Variants in CNRIP1 observed in about 807,000 individuals in gnomAD.
CNRIP1 encodes cannabinoid receptor interacting protein 1.
CNRIP1 carries 10 observed loss-of-function variants against 15.2 expected under a neutral mutation model. That is an observed-to-expected ratio of 0.66 (90% CI 0.41 to 1.12). The LOEUF is 1.12. CNRIP1 is among the 50% of genes most tolerant of loss of function. The pLI is 0.00. For missense variants in CNRIP1, 211 were observed against 214.7 expected (o/e 0.98, Z 0.11); for synonymous variants, 91 against 83.2 (o/e 1.09, Z -0.51).
chr2:68,315,328 G>A (rs138976597), intron 2 of CNRIP1, among the ~76,000 whole-genome samples: 10 of 152,276 alleles, frequency 6.6e-5, no homozygotes, highest in African/African-American at 2.4e-4. Flanking sequence ...ACTATACCTA[G>A]TGCAGAGAGA....
chr2:68,290,492 T>C (rs1193469899), downstream of CNRIP1, among the ~76,000 whole-genome samples: 1 of 152,250 alleles, frequency 6.6e-6, no homozygotes. Context: ...CAGGATACAG[T>C]TGTCCCCATC....
intron 2 of CNRIP1, among the ~76,000 whole-genome samples, chr2:68,285,648 C>A (rs1392211135): frequency 2.8e-5 from 3 of 105,966 alleles, no homozygotes; most frequent in African/African-American, 1.2e-4. Flanking sequence ...CAGAGCAAGA[C>A]CCTGTCTCAA....
intron 2 of CNRIP1, among the ~76,000 whole-genome samples, chr2:68,306,124 C>CAAAAA (rs61586261): frequency 0.01 from 259 of 25,336 alleles, 47 homozygotes; most frequent in African/African-American, 0.023. Flanking sequence ...CCCACCTCTA[C>CAAAAA]AAAAAAAAAA....
intron 2 of CNRIP1, among the ~76,000 whole-genome samples, chr2:68,306,707 G>A (rs1230543586): frequency 6.6e-6 from 1 of 151,946 alleles, no homozygotes; most frequent in Non-Finnish European, 1.5e-5. Flanking sequence ...CTTGAACCTG[G>A]GAAGTGGAGG....
At chr2:68,319,168 C>A in intron 1 of CNRIP1, 54 bp downstream of exon 1, 1 of 1,476,562 alleles carries the variant, frequency 6.8e-7, no homozygotes, top group South Asian at 1.3e-5. Context: ...GGGCCTCAGT[C>A]CTCTGCCTGT....
intron 2 of CNRIP1, among the ~76,000 whole-genome samples, chr2:68,302,996 C>T (rs191697803): frequency 0.017 from 2,620 of 151,926 alleles, 72 homozygotes; most frequent in African/African-American, 0.06. Flanking sequence ...TACAGGCGCC[C>T]GCTACCTCGC....
chr2:68,303,106 A>C (rs1019585824), intron 2 of CNRIP1, among the ~76,000 whole-genome samples: 4 of 152,002 alleles, frequency 2.6e-5, no homozygotes, highest in Admixed American at 6.6e-5. Context: ...CTTGGCCCCC[A>C]AAGTGCTGGG....
At chr2:68,299,552 T>C (rs755953617) in intron 2 of CNRIP1, among the ~76,000 whole-genome samples, 10 of 152,208 alleles carry the variant, frequency 6.6e-5, no homozygotes, top group Non-Finnish European at 1.2e-4. Context: ...GCCTTGATGT[T>C]TGGTCTTCCC....
At chr2:68,309,091 T>C (rs938900420) in intron 2 of CNRIP1, among the ~76,000 whole-genome samples, 3 of 152,160 alleles carry the variant, frequency 2.0e-5, no homozygotes, top group Non-Finnish European at 4.4e-5. Flanking sequence ...CTGTGAGCTG[T>C]TTTTACACAC....
downstream of CNRIP1, among the ~76,000 whole-genome samples, chr2:68,289,939 G>A (rs547888680): frequency 3.4e-3 from 522 of 151,618 alleles, 4 homozygotes; most frequent in South Asian, 0.014. Flanking sequence ...AGGCACAGAG[G>A]TATTAAGTGA....
At chr2:68,298,174 C>T (rs1178851047) in intron 2 of CNRIP1, among the ~76,000 whole-genome samples, 1 of 151,756 alleles carries the variant, frequency 6.6e-6, no homozygotes, top group Non-Finnish European at 1.5e-5. Context: ...TATAATTTAC[C>T]AAGACTTTTA....
In CNRIP1 at chr2:68,293,571, C is replaced by T. The variant is rs1465352081; in HGVS notation, c.*291G>A. The T allele has an allele frequency of 3.0e-5, 33 of 1,083,094 alleles. No homozygotes were observed. The highest frequency in any genetic ancestry group is 3.7e-5 in the Non-Finnish European group (33 of 889,134). The allele number at this position is 1,083,094 out of a possible 1,614,324, so 67.1% of individuals were successfully genotyped here. A position where few individuals can be genotyped will look rare whatever the true frequency, so the allele number is the denominator to read the frequency against. On this transcript the variant is annotated 3_prime_UTR_variant, in exon 3 of 3. Coordinates refer to ENST00000263655, the MANE Select transcript of CNRIP1 (RefSeq NM_015463.3). Reference sequence around the variant, plus strand: ...AAGAGCAGGACAAGCCTGCCAGGGCCACTGAACTCCAGTCACAAGTGGTCA... The same window carrying T: ...AAGAGCAGGACAAGCCTGCCAGGGCTACTGAACTCCAGTCACAAGTGGTCA...
chr2:68,297,018 C>A (rs1039412146), intron 2 of CNRIP1, among the ~76,000 whole-genome samples: 1 of 152,212 alleles, frequency 6.6e-6, no homozygotes, highest in African/African-American at 2.4e-5. Flanking sequence ...CCACCAGCCT[C>A]GGCCTCTCAA....
At chr2:68,297,567 CAAAAAAAA>C (rs112601365) in intron 2 of CNRIP1, among the ~76,000 whole-genome samples, 6 of 98,866 alleles carry the variant, frequency 6.1e-5, no homozygotes, top group African/African-American at 1.2e-4. Context: ...GACACTGTCT[CAAAAAAAA>C]AAAAAAAAAA....
chr2:68,312,781 G>A (rs540278595), intron 2 of CNRIP1, among the ~76,000 whole-genome samples: 9 of 152,038 alleles, frequency 5.9e-5, no homozygotes, highest in African/African-American at 9.6e-5. Flanking sequence ...AAAAAAAATC[G>A]ATTTTATTTC....
chr2:68,294,966 C>G (rs1285180442), intron 2 of CNRIP1, among the ~76,000 whole-genome samples: 2 of 152,188 alleles, frequency 1.3e-5, no homozygotes, highest in Non-Finnish European at 2.9e-5. Flanking sequence ...GAGAAGAGTA[C>G]CTGGAATACC....
At chr2:68,291,115 C>T (rs1385300936), downstream of CNRIP1, among the ~76,000 whole-genome samples, 2 of 152,140 alleles carry the variant, frequency 1.3e-5, no homozygotes, top group Non-Finnish European at 2.9e-5. Flanking sequence ...TGGGCTGGAG[C>T]CCAATCATAA....
chr2:68,313,080 G>T (rs1287545586), intron 2 of CNRIP1, among the ~76,000 whole-genome samples: 1 of 152,032 alleles, frequency 6.6e-6, no homozygotes, highest in East Asian at 1.9e-4. Context: ...TTAAGCAAAA[G>T]AACTTAGAAT....
At chr2:68,292,838 G>A (rs1368538216), downstream of CNRIP1, among the ~76,000 whole-genome samples, 1 of 152,184 alleles carries the variant, frequency 6.6e-6, no homozygotes, top group African/African-American at 2.4e-5. Flanking sequence ...TGTTAAACTT[G>A]GCTGGAGCAA....
Sources: allele counts gnomAD v4.1 joint callset (sites outside exome capture counted in the v4.1 genomes callset), GRCh38; gene constraint gnomAD v4.1.1; transcripts MANE v1.5; gene names NCBI Gene and HGNC (gene_info 2026-07-23, HGNC 2026-07-21).